The following ZFP64 variants were observed in gnomAD, a reference collection of about 807,000 sequenced individuals.
The protein encoded by ZFP64 is ZFP64 zinc finger protein, also known as zinc finger protein 64.
ZFP64 carries 14 observed loss-of-function variants against 51.6 expected under a neutral mutation model. The observed-to-expected ratio is 0.27, with a 90% CI of 0.18 to 0.42. ZFP64 has a LOEUF of 0.42. ZFP64 is among the 10% of genes least tolerant of loss of function. The pLI is 1.00. For missense variants in ZFP64, 754 were observed against 906.8 expected (o/e 0.83, Z 2.16); for synonymous variants, 375 against 361.4 (o/e 1.04, Z -0.43).
chr20:52,102,804 G>A (rs1046098891), intron 5 of ZFP64, among the ~76,000 whole-genome samples: 12 of 152,102 alleles, frequency 7.9e-5, no homozygotes, highest in African/African-American at 2.7e-4. Context: ...TATTATGGCC[G>A]TCTCATTAGC....
chr20:52,084,934 G>GAAGA lies in ZFP64; in HGVS notation c.1560_1561insTCTT (p.Arg521SerfsTer7). 3 of 1,613,726 alleles carry GAAGA rather than the reference G, an allele frequency of 1.9e-6. No homozygotes were observed. The highest frequency in any genetic ancestry group is 2.5e-6 in the Non-Finnish European group (3 of 1,180,002). On this transcript the variant is annotated frameshift_variant, in exon 9 of 9. Transcript: ENST00000361387. LOFTEE classifies it high-confidence loss of function. ...CTGCAGAAGTCACACTTGAAGGGACGGTCCTTACAGTGGACTCTGCTGTGC... is the reference window on the plus strand; with the variant it reads ...CTGCAGAAGTCACACTTGAAGGGACGAAGAGTCCTTACAGTGGACTCTGCTGTGC...
intron 5 of ZFP64, among the ~76,000 whole-genome samples, chr20:52,136,130 A>AAAAAAAAG (rs1412920208): frequency 6.7e-6 from 1 of 149,448 alleles, no homozygotes; most frequent in Admixed American, 6.7e-5. Context: ...AGAAAAAACC[A>AAAAAAAAG]AAAAAAAGAA....
At chr20:52,132,416 GA>G (rs1224202137) in intron 5 of ZFP64, among the ~76,000 whole-genome samples, 1 of 150,376 alleles carries the variant, frequency 6.6e-6, no homozygotes, top group East Asian at 1.9e-4. Context: ...AAAGGTCAAT[GA>G]AAAAAAGCTG....
chr20:52,104,740 C>G (rs1328616838), intron 5 of ZFP64: 1 of 509,462 alleles, frequency 2.0e-6, no homozygotes, highest in East Asian at 5.9e-5. Context: ...GCATTTGAAA[C>G]GTAACCCCAA....
chr20:52,153,854 G>C lies in ZFP64; in HGVS notation c.764-426C>G, dbSNP rs1271479249. Among the ~76,000 whole-genome samples, 1 of 152,040 alleles carries C rather than the reference G, an allele frequency of 6.6e-6. No homozygotes were observed. The highest frequency in any genetic ancestry group is 1.5e-5 in the Non-Finnish European group (1 of 68,022). On this transcript the variant is annotated intron_variant, in intron 5 of 5. Coordinates refer to ENST00000216923, the MANE Select transcript of ZFP64 (RefSeq NM_018197.3). The surrounding 1 kb of genome is among the most constrained non-coding windows in gnomAD (Gnocchi z 5.1). ...GTAACAGATTCAACAATATATTTTCGAATGGGTCAGCTCCGTGCTGCACTC... is the reference window on the plus strand; with the variant it reads ...GTAACAGATTCAACAATATATTTTCCAATGGGTCAGCTCCGTGCTGCACTC...
At chr20:52,092,630 C>T (rs761803316) in intron 7 of ZFP64, among the ~76,000 whole-genome samples, 1 of 152,140 alleles carries the variant, frequency 6.6e-6, no homozygotes, top group African/African-American at 2.4e-5. Context: ...CAGGCGGATC[C>T]GCCTTGACTT....
chr20:52,110,776 T>C (rs1267782650), intron 5 of ZFP64: 5 of 1,593,294 alleles, frequency 3.1e-6, no homozygotes, highest in African/African-American at 2.7e-5. Flanking sequence ...CCGGGAGAGG[T>C]AGAAGACTGG....
chr20:52,122,378 C>T lies in ZFP64; in HGVS notation c.764-23791G>A, dbSNP rs959403203. ...AAAATTAGCCGGGTGTGGTGGCCGGCGCCTGTAGTCCCAGCTACTCCGGAG... is the reference window on the plus strand; with the variant it reads ...AAAATTAGCCGGGTGTGGTGGCCGGTGCCTGTAGTCCCAGCTACTCCGGAG... On this transcript the variant is annotated intron_variant, in intron 5 of 8. Coordinates refer to the ZFP64 transcript ENST00000361387. Among the ~76,000 whole-genome samples the T allele has an allele frequency of 4.0e-5, 6 of 151,878 alleles. 1 individual carries two copies. Among genetic ancestry groups the T allele is most frequent in the Middle Eastern group, 6.8e-3 (2 of 292 alleles).
At chr20:52,154,280 G>C (rs554786658) in intron 5 of ZFP64, among the ~76,000 whole-genome samples, 1 of 152,274 alleles carries the variant, frequency 6.6e-6, no homozygotes, top group South Asian at 2.1e-4. Flanking sequence ...CCACAAGCAT[G>C]GTCTCGCTTG....
In ZFP64 at chr20:52,085,296, A is replaced by T; in HGVS notation, c.1229-30T>A. On this transcript the variant is annotated intron_variant, in intron 8 of 8. Coordinates refer to the ZFP64 transcript ENST00000361387. This position sits in a 1 kb window ranked among gnomAD's most constrained non-coding sequence, Gnocchi z 4.3. ...CAATGGAAGGTGTGTTTCCATTAGA[A>T]CAGGCAGGCAAAACAGACCCTCCCA... The T allele has an allele frequency of 6.4e-7, 1 of 1,568,976 alleles. No individual in the cohort carries two copies. Among genetic ancestry groups the T allele is most frequent in the African/African-American group, 1.3e-5 (1 of 74,422 alleles).
In ZFP64 at chr20:52,152,691, C is replaced by A. The variant is rs368408323; in HGVS notation, c.1501G>T (p.Val501Phe). The A allele has an allele frequency of 8.1e-5, 126 of 1,548,992 alleles. No homozygotes were observed. Among genetic ancestry groups the A allele is most frequent in the Middle Eastern group, 1.7e-4 (1 of 5,750 alleles). ...QFSEGRVKII[V>F]GHQVPQANTI... ...TTCGCCTGGGGCACCTGATGCCCAA[C>A]GATGATTTTGACTCTTCCCTCGCTG... The change falls in exon 6 of 6, where the codon GTT becomes TTT. Residue 501 changes from valine to phenylalanine, a missense_variant. Val to Phe is a conservative substitution (Grantham distance 50). Around this residue, in one of 3 missense-constraint regions of ZFP64, gnomAD observed 428 missense variants for 472.4 expected, o/e 0.91. Coordinates refer to ENST00000216923, the MANE Select transcript of ZFP64 (RefSeq NM_018197.3).
intron 5 of ZFP64, among the ~76,000 whole-genome samples, chr20:52,131,926 T>A (rs1979742561): frequency 1.3e-5 from 2 of 152,162 alleles, no homozygotes; most frequent in South Asian, 4.1e-4. Context: ...CACATTCTTT[T>A]CCTCAGCACA....
intron 1 of ZFP64, among the ~76,000 whole-genome samples, chr20:52,188,464 G>A (rs1375129069): frequency 3.3e-5 from 5 of 150,444 alleles, no homozygotes; most frequent in South Asian, 2.1e-4. Context: ...ACAGGCACCC[G>A]CCACTACGCT....
intron 2 of ZFP64, among the ~76,000 whole-genome samples, chr20:52,182,327 C>T (rs1468144959): frequency 6.6e-6 from 1 of 152,126 alleles, no homozygotes; most frequent in East Asian, 1.9e-4. Flanking sequence ...CCAGGACTGG[C>T]CTGAGCATTC....
chr20:52,138,367 T>C (rs148729114), intron 5 of ZFP64, among the ~76,000 whole-genome samples: 63 of 152,114 alleles, frequency 4.1e-4, no homozygotes, highest in Non-Finnish European at 8.1e-4. Context: ...ATAGCACATA[T>C]ATATTACTGT....
intron 5 of ZFP64, among the ~76,000 whole-genome samples, chr20:52,127,751 T>C (rs775113495): frequency 6.6e-6 from 1 of 152,230 alleles, no homozygotes; most frequent in Non-Finnish European, 1.5e-5. Flanking sequence ...AATCCTTTTT[T>C]TCACCATACT....
intron 3 of ZFP64, 188 bp downstream of exon 3, chr20:52,165,676 G>T: frequency 1.2e-6 from 1 of 804,392 alleles, no homozygotes; most frequent in Non-Finnish European, 2.1e-6. Flanking sequence ...AGAACCCAGA[G>T]GCAGAATGAC....
At chr20:52,168,667 G>A (rs934565362) in intron 2 of ZFP64, among the ~76,000 whole-genome samples, 3 of 152,056 alleles carry the variant, frequency 2.0e-5, no homozygotes, top group South Asian at 2.1e-4. Context: ...CACCTCTCTC[G>A]GTTGTTGCTT....
At chr20:52,131,815 C>T (rs75943845) in intron 5 of ZFP64, among the ~76,000 whole-genome samples, 23 of 151,892 alleles carry the variant, frequency 1.5e-4, no homozygotes, top group Non-Finnish European at 2.5e-4. Context: ...CAGATCTTCC[C>T]GACAGAAAAT....
Sources: gnomAD v4.1 joint callset for allele counts (sites outside exome capture counted in the v4.1 genomes callset) on GRCh38, gnomAD v4.1.1 for gene constraint, gnomAD v4.1.1 regional missense constraint, Gnocchi (gnomAD v3.1) non-coding constraint, MANE v1.5 for transcripts, NCBI Gene and HGNC (gene_info 2026-07-23, HGNC 2026-07-21) for gene names.